The following COLEC12 variants were observed in gnomAD, a reference collection of about 807,000 sequenced individuals.
COLEC12 encodes the protein collectin-12.
COLEC12 carries 33 observed loss-of-function variants against 71.1 expected under a neutral mutation model. The ratio of observed to expected loss-of-function variants is 0.46; its 90% CI spans 0.35 to 0.62. The LOEUF (loss-of-function observed/expected upper bound fraction) is 0.62. Ranked by LOEUF, COLEC12 falls within the 20% of genes least tolerant of loss-of-function variation. The pLI is 0.00. For missense variants in COLEC12, 765 were observed against 916.1 expected (o/e 0.84, Z 2.13); for synonymous variants, 350 against 353.0 (o/e 0.99, Z 0.10).
At chr18:356,492 G>T (rs779635509) in intron 3 of COLEC12, among the ~76,000 whole-genome samples, 5 of 152,202 alleles carry the variant, frequency 3.3e-5, no homozygotes, top group Non-Finnish European at 7.3e-5. Flanking sequence ...TACATGCTGG[G>T]AGAGAGGTGG....
chr18:357,975 C>A (rs1354424660), intron 2 of COLEC12, among the ~76,000 whole-genome samples: 1 of 152,210 alleles, frequency 6.6e-6, no homozygotes, highest in Non-Finnish European at 1.5e-5. Flanking sequence ...CCTGTCAGAT[C>A]AGTGGCAGCA....
At chr18:347,393 G>T in intron 4 of COLEC12, 52 bp from the exon 5 acceptor site, 1 of 1,486,976 alleles carries the variant, frequency 6.7e-7, no homozygotes, top group Non-Finnish European at 9.3e-7. Flanking sequence ...GAAGTGTTCA[G>T]GCAAGGCCAA....
intron 2 of COLEC12, among the ~76,000 whole-genome samples, chr18:459,035 G>T (rs4798230): frequency 0.23 from 34,444 of 152,032 alleles, 3,961 homozygotes; most frequent in East Asian, 0.31. Context: ...GGGACTGGGG[G>T]CTGGGAGAGG....
chr18:340,634 C>T (rs1914230091), intron 5 of COLEC12, among the ~76,000 whole-genome samples: 2 of 152,204 alleles, frequency 1.3e-5, no homozygotes, highest in Non-Finnish European at 1.5e-5. Context: ...TTAATTCTTA[C>T]TGCCATCCAA....
chr18:443,389 T>C (rs1417730226), intron 2 of COLEC12, among the ~76,000 whole-genome samples: 1 of 152,250 alleles, frequency 6.6e-6, no homozygotes, highest in African/African-American at 2.4e-5. Flanking sequence ...AATTATCTTG[T>C]ATCTCACTTT....
intron 2 of COLEC12, among the ~76,000 whole-genome samples, chr18:430,253 G>A (rs1916276913): frequency 1.3e-5 from 2 of 151,784 alleles, no homozygotes. Flanking sequence ...AGAATCACTT[G>A]AACCTGGGAG....
intron 2 of COLEC12, among the ~76,000 whole-genome samples, chr18:414,118 G>A (rs1915943184): frequency 6.6e-6 from 1 of 152,186 alleles, no homozygotes; most frequent in South Asian, 2.1e-4. Context: ...TTTGTAAGAT[G>A]TTACCACTGG....
At chr18:354,304 G>C (rs1246279431) in intron 3 of COLEC12, among the ~76,000 whole-genome samples, 2 of 152,230 alleles carry the variant, frequency 1.3e-5, no homozygotes, top group Non-Finnish European at 2.9e-5. Context: ...CTGTCTGGGT[G>C]ACTGAGCGAT....
At chr18:395,989 A>G (rs1267251486) in intron 2 of COLEC12, among the ~76,000 whole-genome samples, 5 of 152,218 alleles carry the variant, frequency 3.3e-5, no homozygotes, top group African/African-American at 9.6e-5. Context: ...GACCCAGAGC[A>G]CACAATGTGG....
At chr18:445,256 G>C (rs976197834) in intron 2 of COLEC12, among the ~76,000 whole-genome samples, 1 of 152,162 alleles carries the variant, frequency 6.6e-6, no homozygotes, top group Non-Finnish European at 1.5e-5. Flanking sequence ...GTGGATTTCA[G>C]AGCATCCTGG....
rs999813451 is a variant in COLEC12, at chr18:362,856, C to T, written c.59-5334G>A. On this transcript the variant is annotated intron_variant, in intron 2 of 9. Transcript: ENST00000400256. This position sits in a 1 kb window ranked among gnomAD's most constrained non-coding sequence, Gnocchi z 4.6. ...TGTTTTGAATGTATTTTCCAGTGTC[C>T]GAGTCTTTGTTATACAAAAAAGTGT... Among the ~76,000 whole-genome samples the T allele has an allele frequency of 1.3e-5, 2 of 152,066 alleles. No homozygotes were observed. Among genetic ancestry groups the T allele is most frequent in the Non-Finnish European group, 2.9e-5 (2 of 68,040 alleles).
rs183338157 is a variant in COLEC12 at position 399,978 on chromosome 18, A to G, written c.59-42456T>C. Among the ~76,000 whole-genome samples the G allele has an allele frequency of 1.9e-3, 295 of 152,270 alleles. 1 individual carries two copies. Among genetic ancestry groups the G allele is most frequent in the Non-Finnish European group, 2.9e-3 (200 of 68,016 alleles). On this transcript the variant is annotated intron_variant, in intron 2 of 9. Transcript: ENST00000400256. This position sits in a 1 kb window ranked among gnomAD's most constrained non-coding sequence, Gnocchi z 4.0. The stretch of plus-strand genomic sequence containing the variant: ...GGGGGATAGTGACTGAAGAGGCTGT[A>G]TTTATTGGGAGTGTATAGAAAATCC...
At chr18:339,140 G>T (rs549766012) in intron 5 of COLEC12, among the ~76,000 whole-genome samples, 1 of 152,212 alleles carries the variant, frequency 6.6e-6, no homozygotes, top group African/African-American at 2.4e-5. Context: ...GACTGCTGGT[G>T]GGGGGAGCTG....
intron 2 of COLEC12, among the ~76,000 whole-genome samples, chr18:477,017 C>T (rs1364201119): frequency 1.3e-5 from 2 of 152,188 alleles, no homozygotes; most frequent in Admixed American, 1.3e-4. Context: ...TCCATCTCCT[C>T]TTTAGACACC....
rs1915273332 is a variant in COLEC12, at chr18:383,246, T to A, written c.59-25724A>T. ...CAGAACATAATTTAATTTAATTTTT[T>A]AAATTAAAATTGCCAGAACATAAGA... On this transcript the variant is annotated intron_variant, in intron 2 of 9. Coordinates refer to ENST00000400256, the MANE Select transcript of COLEC12 (RefSeq NM_130386.3). Among the ~76,000 whole-genome samples the A allele has an allele frequency of 3.3e-5, 5 of 152,226 alleles. 1 individual carries two copies. Among genetic ancestry groups the A allele is most frequent in the Admixed American group, 2.6e-4 (4 of 15,278 alleles).
Position 319,331 on chromosome 18 carries a change from A to AT in COLEC12, c.*713_*714insA, listed in dbSNP as rs1431727726. 9.3e-4 allele frequency: 51 copies of AT among 54,656 alleles called. No homozygotes were observed. Among genetic ancestry groups the AT allele is most frequent in the African/African-American group, 2.3e-3 (40 of 17,770 alleles). The allele number at this position is 54,656 out of a possible 1,614,324, so 3.4% of individuals were successfully genotyped here. On this transcript the variant is annotated 3_prime_UTR_variant, in exon 10 of 10. Transcript: ENST00000400256. ...GAGGAAATGAAACATTAAAAAAAAA[A>AT]AAAAAAAAAAATATATATATATATA...
At chr18:366,790 C>G (rs2143522586) in intron 2 of COLEC12, among the ~76,000 whole-genome samples, 1 of 152,278 alleles carries the variant, frequency 6.6e-6, no homozygotes, top group South Asian at 2.1e-4. Flanking sequence ...ACCTTTGTCT[C>G]CAGTCTTCTA....
intron 2 of COLEC12, among the ~76,000 whole-genome samples, chr18:380,150 T>C (rs535471530): frequency 5.3e-5 from 8 of 152,308 alleles, no homozygotes; most frequent in African/African-American, 1.7e-4. Context: ...ACAAAATTCA[T>C]AGCATGGCAT....
In COLEC12 at chr18:415,790, T is replaced by C. The variant is rs111447645; in HGVS notation, c.59-58268A>G. Among the ~76,000 whole-genome samples, 1,340 of 152,254 alleles carry C rather than the reference T, an allele frequency of 8.8e-3. 7 individuals carry two copies. Among genetic ancestry groups the C allele is most frequent in the Non-Finnish European group, 0.014 (966 of 68,022 alleles). On this transcript the variant is annotated intron_variant, in intron 2 of 9. Coordinates refer to ENST00000400256, the MANE Select transcript of COLEC12 (RefSeq NM_130386.3). Reference sequence around the variant, plus strand: ...GAAAAGGAAGTGGCTCTTCAGGATCTAAGAGAAGTGGAAAAAATAGCTTCA... The same window carrying C: ...GAAAAGGAAGTGGCTCTTCAGGATCCAAGAGAAGTGGAAAAAATAGCTTCA...
Sources: gnomAD v4.1 joint callset for allele counts (sites outside exome capture counted in the v4.1 genomes callset) on GRCh38, gnomAD v4.1.1 for gene constraint, Gnocchi (gnomAD v3.1) non-coding constraint, MANE v1.5 for transcripts, NCBI Gene and HGNC (gene_info 2026-07-23, HGNC 2026-07-21) for gene names.